The following RPS6KA2 variants were observed in gnomAD, a reference collection of about 807,000 sequenced individuals.
RPS6KA2 encodes ribosomal protein S6 kinase A2, also known as ribosomal protein S6 kinase alpha-2.
Under a neutral mutation model 91.8 loss-of-function variants are expected in RPS6KA2, and 42 were observed. That is an observed-to-expected ratio of 0.46 (90% CI 0.36 to 0.59). The LOEUF (loss-of-function observed/expected upper bound fraction) is 0.59, where lower values mean the gene tolerates loss of function less well. RPS6KA2 is among the 20% of genes least tolerant of loss of function. The pLI is 0.00. For synonymous variants in RPS6KA2, 414 were observed against 393.6 expected (o/e 1.05, Z -0.61); for missense variants, 798 against 978.5 (o/e 0.82, Z 2.46).
chr6:166,464,995 T>A (rs74994105), intron 11 of RPS6KA2, among the ~76,000 whole-genome samples: 608 of 36,978 alleles, frequency 0.016, 6 homozygotes, highest in African/African-American at 0.096. Context: ...CTTAAAAAAA[T>A]AAATAAATAA....
intron 2 of RPS6KA2, among the ~76,000 whole-genome samples, chr6:166,778,880 G>T (rs9457204): frequency 0.22 from 32,808 of 152,258 alleles, 4,357 homozygotes; most frequent in African/African-American, 0.37. Context: ...GCTGCGTCTG[G>T]TGAGAGTTGG....
chr6:166,469,526 T>C (rs1270479688), intron 11 of RPS6KA2, among the ~76,000 whole-genome samples: 1 of 152,034 alleles, frequency 6.6e-6, no homozygotes, highest in East Asian at 1.9e-4. Context: ...TATGCAGGGC[T>C]CGGAGAGGCC....
At chr6:166,695,730 A>C (rs937495989) in intron 2 of RPS6KA2, among the ~76,000 whole-genome samples, 5 of 148,550 alleles carry the variant, frequency 3.4e-5, no homozygotes, top group South Asian at 2.1e-4. Context: ...CTGGATTCTC[A>C]CAGGAGCACT....
chr6:166,779,736 C>G (rs1254540764), intron 2 of RPS6KA2, among the ~76,000 whole-genome samples: 3 of 152,130 alleles, frequency 2.0e-5, no homozygotes, highest in Non-Finnish European at 2.9e-5. Context: ...CCTCTCACCC[C>G]AGACTCTCAC....
chr6:166,542,136 G>A (rs750592358), intron 1 of RPS6KA2: 1 of 152,180 alleles, frequency 6.6e-6, no homozygotes, highest in Non-Finnish European at 1.5e-5. Flanking sequence ...CGCGCACTCT[G>A]GGGTCTGTGT....
In RPS6KA2 at chr6:166,707,234, G is replaced by T. The variant is rs1789706902; in HGVS notation, c.123+150966C>A. Among the ~76,000 whole-genome samples, 4 of 152,258 alleles carry T rather than the reference G, an allele frequency of 2.6e-5. No individual in the cohort carries two copies. The South Asian group carries it at 8.3e-4, about 31-fold the overall frequency. On this transcript the variant is annotated intron_variant, in intron 2 of 21. Coordinates refer to the RPS6KA2 transcript ENST00000503859. The stretch of plus-strand genomic sequence containing the variant: ...CGGGAAGGGGGCAGCTCTGCTCTCT[G>T]TGCAGATGGACGGCAGCCCGGCAGC...
intron 1 of RPS6KA2, among the ~76,000 whole-genome samples, chr6:166,615,873 G>T (rs1037848395): frequency 6.6e-6 from 1 of 152,188 alleles, no homozygotes; most frequent in African/African-American, 2.4e-5. Context: ...CCCACTCTTT[G>T]CCCTTTGTGA....
At chr6:166,628,417 C>G (rs537260151), upstream of RPS6KA2, among the ~76,000 whole-genome samples, 1 of 152,342 alleles carries the variant, frequency 6.6e-6, no homozygotes, top group South Asian at 2.1e-4. Flanking sequence ...ACAAGTCTTG[C>G]TTGCTCTTTT....
intron 14 of RPS6KA2, among the ~76,000 whole-genome samples, chr6:166,436,315 GAA>G (rs397827258): frequency 2.0e-4 from 15 of 73,848 alleles, no homozygotes; most frequent in East Asian, 8.3e-4. Context: ...TAAAGCCCCA[GAA>G]AAAAAAAAAA....
intron 1 of RPS6KA2, among the ~76,000 whole-genome samples, chr6:166,613,720 A>G (rs1037171739): frequency 1.3e-5 from 2 of 152,152 alleles, no homozygotes; most frequent in African/African-American, 4.8e-5. Context: ...ATATGATCCC[A>G]TCACTCCCTT....
rs377016563 is a variant in RPS6KA2, at chr6:166,434,333, T to G, written c.1333-1843A>C. Among the ~76,000 whole-genome samples the G allele has an allele frequency of 1.4e-4, 21 of 152,350 alleles. No individual in the cohort carries two copies. The highest frequency in any genetic ancestry group is 7.2e-4 in the Admixed American group (11 of 15,304). ...TTTCTGGACATAGAATTTCTCTCCT[T>G]CTGCTGCATTTAATTCTACTGAAGT... On this transcript the variant is annotated intron_variant, in intron 14 of 20. Transcript: ENST00000265678. The surrounding 1 kb of genome is among the most constrained non-coding windows in gnomAD (Gnocchi z 4.4).
intron 2 of RPS6KA2, among the ~76,000 whole-genome samples, chr6:166,708,231 T>C (rs1789741180): frequency 6.6e-6 from 1 of 152,236 alleles, no homozygotes; most frequent in Non-Finnish European, 1.5e-5. Context: ...GGAAACATAA[T>C]AGGATTGAGC....
chr6:166,586,114 AT>A, intron 1 of RPS6KA2: 1 of 1,416,260 alleles, frequency 7.1e-7, no homozygotes, highest in Non-Finnish European at 9.4e-7. Flanking sequence ...AGCTGCCAAC[AT>A]TTCTATCAGT....
intron 12 of RPS6KA2, among the ~76,000 whole-genome samples, chr6:166,453,485 A>C (rs1182613127): frequency 2.0e-5 from 3 of 152,208 alleles, no homozygotes; most frequent in African/African-American, 7.2e-5. Flanking sequence ...AAGATCGCTA[A>C]TCATCAGATA....
At chr6:166,747,932 A>G (rs1313173057) in intron 2 of RPS6KA2, among the ~76,000 whole-genome samples, 1 of 152,178 alleles carries the variant, frequency 6.6e-6, no homozygotes. Flanking sequence ...ACGGACACAG[A>G]GCAGACACAG....
intron 2 of RPS6KA2, among the ~76,000 whole-genome samples, chr6:166,791,082 A>C (rs1475253708): frequency 1.3e-5 from 2 of 152,234 alleles, no homozygotes; most frequent in African/African-American, 4.8e-5. Context: ...TTCGATAAAG[A>C]GTCAAGACCC....
intron 2 of RPS6KA2, among the ~76,000 whole-genome samples, chr6:166,840,642 A>G (rs928553631): frequency 5.3e-5 from 8 of 152,190 alleles, no homozygotes; most frequent in Non-Finnish European, 7.3e-5. Flanking sequence ...GGCTTAACTA[A>G]TCACTAACCT....
Position 166,563,143 on chromosome 6 carries a change from A to C in RPS6KA2, c.100-24359T>G, listed in dbSNP as rs1784391954. Among the ~76,000 whole-genome samples, 1 of 152,078 alleles carries C rather than the reference A, an allele frequency of 6.6e-6. No homozygotes were observed. Among genetic ancestry groups the C allele is most frequent in the Admixed American group, 6.5e-5 (1 of 15,270 alleles). On this transcript the variant is annotated intron_variant, in intron 1 of 20. Coordinates refer to ENST00000265678, the MANE Select transcript of RPS6KA2 (RefSeq NM_021135.6). The surrounding 1 kb of genome is among the most constrained non-coding windows in gnomAD (Gnocchi z 4.1). The stretch of plus-strand genomic sequence containing the variant: ...CAGCCTGCAATGACTGGAGGGTGGG[A>C]GTGGACGAAGTTTATTCTGGAGACA...
intron 2 of RPS6KA2, among the ~76,000 whole-genome samples, chr6:166,693,222 C>T (rs1168409566): frequency 6.6e-6 from 1 of 152,204 alleles, no homozygotes; most frequent in Non-Finnish European, 1.5e-5. Context: ...GGAGGTGCTG[C>T]AGCGATTGGA....
Sources: allele counts gnomAD v4.1 joint callset (sites outside exome capture counted in the v4.1 genomes callset), GRCh38; gene constraint gnomAD v4.1.1; non-coding constraint Gnocchi (gnomAD v3.1); transcripts MANE v1.5; gene names NCBI Gene and HGNC (gene_info 2026-07-23, HGNC 2026-07-21).